ENAH: variants seen among roughly 807,000 people sequenced by gnomAD.
ENAH encodes the protein protein enabled homolog.
In ENAH, 23 loss-of-function variants were observed where a neutral mutation model predicts 78.7. That is an observed-to-expected ratio of 0.29 (90% CI 0.21 to 0.41). ENAH has a LOEUF of 0.41. Among genes scored for constraint, ENAH ranks in the 10% least tolerant of loss-of-function variants. ENAH has a pLI of 1.00. For synonymous variants in ENAH, 226 were observed against 241.0 expected, an observed-to-expected ratio of 0.94 and a Z score of 0.58; for missense variants, 544 against 691.0, an observed-to-expected ratio of 0.79 and a Z score of 2.39.
intron 1 of ENAH, 50 bp from the exon 2 acceptor site, chr1:225,567,464 T>G (rs778820064): frequency 4.5e-6 from 7 of 1,558,064 alleles, no homozygotes; most frequent in Non-Finnish European, 5.2e-6. Flanking sequence ...TAAAATATGC[T>G]AAGTGTTCCA....
At chr1:225,615,291 T>C (rs147555185) in intron 1 of ENAH, among the ~76,000 whole-genome samples, 6,620 of 152,332 alleles carry the variant, frequency 0.043, 229 homozygotes, top group South Asian at 0.1. Flanking sequence ...GTGATCTGCC[T>C]GCCTCGGCCT....
At chr1:225,652,515 CAAGA>C in intron 1 of ENAH, 167 bp downstream of exon 1, 1 of 859,024 alleles carries the variant, frequency 1.2e-6, no homozygotes, top group Non-Finnish European at 1.4e-6. Flanking sequence ...GGGAGGTTTC[CAAGA>C]AAGAAAGAGA....
intron 7 of ENAH, 36 bp from the exon 8 acceptor site, chr1:225,513,052 G>A: frequency 3.9e-6 from 6 of 1,522,562 alleles, no homozygotes; most frequent in Non-Finnish European, 5.3e-6. Context: ...CAACTCCTAT[G>A]TTAGACAACC....
intron 1 of ENAH, among the ~76,000 whole-genome samples, chr1:225,570,155 A>G (rs1354261306): frequency 6.8e-6 from 1 of 146,604 alleles, no homozygotes; most frequent in Non-Finnish European, 1.5e-5. Context: ...TGGGTGACAG[A>G]GCAATGCTCC....
Position 225,495,614 on chromosome 1 carries a change from C to A in ENAH, c.*2161G>T, listed in dbSNP as rs2096246510. 1 of 152,472 alleles carries A rather than the reference C, an allele frequency of 6.6e-6. No individual in the cohort carries two copies. Among genetic ancestry groups the A allele is most frequent in the South Asian group, 2.1e-4 (1 of 4,814 alleles). 9.4% of individuals were successfully genotyped at this position (152,472 alleles called of 1,614,324 possible). The stretch of plus-strand genomic sequence containing the variant: ...TGGACCACTTGTACCCAGTACTCTA[C>A]CTACTACAGACTATTTAACTTACCC... On this transcript the variant is annotated 3_prime_UTR_variant, in exon 14 of 14. Coordinates refer to ENST00000366843, the MANE Select transcript of ENAH (RefSeq NM_018212.6).
At chr1:225,578,554 T>C (rs2096799374) in intron 1 of ENAH, among the ~76,000 whole-genome samples, 1 of 152,186 alleles carries the variant, frequency 6.6e-6, no homozygotes, top group African/African-American at 2.4e-5. Flanking sequence ...GCTCTGTGTG[T>C]GCAACTCTAG....
intron 3 of ENAH, among the ~76,000 whole-genome samples, chr1:225,550,275 C>T (rs756368211): frequency 1.3e-5 from 2 of 152,126 alleles, no homozygotes; most frequent in Non-Finnish European, 2.9e-5. Context: ...TTTGGTATTC[C>T]GAAGGCCTTT....
intron 1 of ENAH, among the ~76,000 whole-genome samples, chr1:225,622,106 A>C (rs566930632): frequency 1.9e-4 from 29 of 152,344 alleles, no homozygotes; most frequent in Admixed American, 5.9e-4. Flanking sequence ...CCATGTAACA[A>C]CATGGAAAAG....
Position 225,500,886 on chromosome 1 carries a change from A to C in ENAH, c.1617+106T>G, listed in dbSNP as rs1044769182. 37 of 1,031,890 alleles carry C rather than the reference A, an allele frequency of 3.6e-5. 1 individual carries two copies. The African/African-American group carries it at 5.3e-4, about 15-fold the overall frequency. 63.9% of individuals were successfully genotyped at this position (1,031,890 alleles called of 1,614,324 possible). A position where few individuals can be genotyped will look rare whatever the true frequency, so the allele number is the denominator to read the frequency against. On this transcript the variant is annotated intron_variant, in intron 12 of 13. Transcript: ENST00000366843. ...GTTTAATTTGTATAACAATAGCTCT[A>C]TCGTCTTTCTAAGTACATTCAGGAT...
At chr1:225,553,372 A>T (rs964351868) in intron 3 of ENAH, among the ~76,000 whole-genome samples, 1 of 152,244 alleles carries the variant, frequency 6.6e-6, no homozygotes, top group Non-Finnish European at 1.5e-5. Flanking sequence ...AACTACTTTT[A>T]AAAAAGGAAC....
chr1:225,523,760 A>T (rs1163306583), intron 4 of ENAH, among the ~76,000 whole-genome samples: 1 of 152,186 alleles, frequency 6.6e-6, no homozygotes, highest in Non-Finnish European at 1.5e-5. Flanking sequence ...TTGACCTCTA[A>T]AGCAAGACAT....
intron 1 of ENAH, among the ~76,000 whole-genome samples, chr1:225,597,857 C>A (rs983348142): frequency 6.6e-6 from 1 of 152,056 alleles, no homozygotes; most frequent in Non-Finnish European, 1.5e-5. Context: ...AGAGCTAGAT[C>A]TGAAATCAAC....
intron 10 of ENAH, among the ~76,000 whole-genome samples, chr1:225,509,061 AATTCCTTCTTTTTTAT>A (rs574620817): frequency 2.0e-3 from 309 of 152,306 alleles, no homozygotes; most frequent in African/African-American, 7.1e-3. Flanking sequence ...TCATCAACTA[AATTCCTTCTTTTTTAT>A]ATTCCTTCTT....
chr1:225,498,847 G>C (rs971411419), intron 12 of ENAH, among the ~76,000 whole-genome samples: 21 of 152,248 alleles, frequency 1.4e-4, no homozygotes, highest in African/African-American at 5.1e-4. Flanking sequence ...GATTTCTCAG[G>C]AATCACCATA....
At chr1:225,594,716 G>A (rs923117033) in intron 1 of ENAH, among the ~76,000 whole-genome samples, 1 of 152,190 alleles carries the variant, frequency 6.6e-6, no homozygotes, top group African/African-American at 2.4e-5. Flanking sequence ...AGGAACCATG[G>A]ATAACCACTA....
At chr1:225,606,258 T>C in intron 1 of ENAH, among the ~76,000 whole-genome samples, 1 of 151,922 alleles carries the variant, frequency 6.6e-6, no homozygotes, top group East Asian at 1.9e-4. Flanking sequence ...GTTCAGGAGT[T>C]CGAGACCAGC....
chr1:225,613,394 GTTTAACAC>G (rs1181516570), intron 1 of ENAH, among the ~76,000 whole-genome samples: 1 of 152,126 alleles, frequency 6.6e-6, no homozygotes, highest in Non-Finnish European at 1.5e-5. Flanking sequence ...TACATGACTT[GTTTAACAC>G]CATTTCCCCA....
rs377643768 is a variant in ENAH at position 225,602,081 on chromosome 1, G to T, written c.6-34667C>A. Among the ~76,000 whole-genome samples the T allele has an allele frequency of 3.0e-4, 46 of 152,074 alleles. 1 individual carries two copies. In the South Asian group the frequency reaches 9.3e-3, roughly 31 times the overall value. On this transcript the variant is annotated intron_variant, in intron 1 of 13. Coordinates refer to ENST00000366843, the MANE Select transcript of ENAH (RefSeq NM_018212.6). ...TATTAATAGCCTAGATAAAATTCTAGTAAGATTCATCAAGAAAAAGACAAA... is the reference window on the plus strand; with the variant it reads ...TATTAATAGCCTAGATAAAATTCTATTAAGATTCATCAAGAAAAAGACAAA...
Position 225,512,917 on chromosome 1 carries a change from C to G in ENAH, c.1318G>C (p.Gly440Arg). The change falls in exon 8 of 14, where the codon GGG becomes CGG. Residue 440 changes from glycine (G) to arginine (R), a missense_variant. By Grantham distance (125) the Gly-to-Arg change is moderately radical. Transcript: ENST00000366843. ...ATTTCTTCCATTAAACCACTACCCC[C>G]TAAAGGAAGGGGTCCATTTCCACGG... ...TGRGNGPLPL[G>R]GSGLMEEMSA... is the part of the protein sequence containing the mutation. 1 of 1,614,070 alleles carries G rather than the reference C, an allele frequency of 6.2e-7. No individual in the cohort carries two copies. Among genetic ancestry groups the G allele is most frequent in the Non-Finnish European group, 8.5e-7 (1 of 1,179,964 alleles).
Sources: gnomAD v4.1 joint callset for allele counts (sites outside exome capture counted in the v4.1 genomes callset) on GRCh38, gnomAD v4.1.1 for gene constraint, MANE v1.5 for transcripts, NCBI Gene and HGNC (gene_info 2026-07-23, HGNC 2026-07-21) for gene names.